The following DPYS variants were observed in gnomAD, a reference collection of about 807,000 sequenced individuals.
DPYS encodes the protein dihydropyrimidinase, also known as dihydropyrimidine amidohydrolase.
A neutral mutation model predicts 50.3 loss-of-function variants in DPYS; 39 were observed. The ratio of observed to expected loss-of-function variants is 0.78; its 90% CI spans 0.60 to 1.01. DPYS has a LOEUF of 1.01. Ranked by LOEUF, DPYS falls within the 50% of genes least tolerant of loss-of-function variation. The pLI is 0.00. For missense variants in DPYS, 659 were observed against 680.9 expected, an observed-to-expected ratio of 0.97 and a Z score of 0.36; for synonymous variants, 245 against 250.7, an observed-to-expected ratio of 0.98 and a Z score of 0.22.
intron 7 of DPYS, chr8:104,423,943 C>A (rs1235284090): frequency 1.0e-6 from 1 of 974,510 alleles, no homozygotes; most frequent in Non-Finnish European, 1.2e-6. Context: ...CTTCATCACG[C>A]TTTACCTTTC....
intron 1 of DPYS, 40 bp downstream of exon 1, chr8:104,466,617 C>T: frequency 1.3e-6 from 2 of 1,494,252 alleles, no homozygotes; most frequent in Non-Finnish European, 8.9e-7. Flanking sequence ...GCCCGAGCCT[C>T]CGTGGGTACC....
At chr8:104,454,834 A>G (rs1409310182) in intron 1 of DPYS, among the ~76,000 whole-genome samples, 2 of 152,164 alleles carry the variant, frequency 1.3e-5, no homozygotes, top group South Asian at 2.1e-4. Flanking sequence ...TTGGATTTCA[A>G]TCAGGATTAG....
intron 7 of DPYS, among the ~76,000 whole-genome samples, chr8:104,414,379 A>G (rs1437778344): frequency 6.6e-6 from 1 of 152,186 alleles, no homozygotes; most frequent in Non-Finnish European, 1.5e-5. Context: ...GCTGGAACCA[A>G]CTACAGGAGT....
intron 1 of DPYS, among the ~76,000 whole-genome samples, chr8:104,454,787 A>C (rs898807313): frequency 6.6e-6 from 1 of 152,212 alleles, no homozygotes; most frequent in Admixed American, 6.5e-5. Flanking sequence ...CTGGGAATTC[A>C]GAGGAGAGAA....
chr8:104,462,786 TA>T (rs1814217238), intron 1 of DPYS, among the ~76,000 whole-genome samples: 1 of 152,228 alleles, frequency 6.6e-6, no homozygotes, highest in Non-Finnish European at 1.5e-5. Flanking sequence ...ACCCATTGAA[TA>T]AAAAATTCCA....
At chr8:104,436,005 G>T (rs1813129992) in intron 4 of DPYS, among the ~76,000 whole-genome samples, 1 of 152,108 alleles carries the variant, frequency 6.6e-6, no homozygotes, top group Non-Finnish European at 1.5e-5. Context: ...GAAGGGGAGG[G>T]GAAGAGGAGG....
intron 4 of DPYS, among the ~76,000 whole-genome samples, chr8:104,442,416 A>AAAT (rs1247763406): frequency 6.6e-6 from 1 of 152,202 alleles, no homozygotes; most frequent in East Asian, 1.9e-4. Context: ...ACTGTTCCTT[A>AAAT]AATAATATTC....
At chr8:104,441,581 G>A (rs1813358735) in intron 4 of DPYS, among the ~76,000 whole-genome samples, 1 of 152,208 alleles carries the variant, frequency 6.6e-6, no homozygotes, top group Admixed American at 6.5e-5. Context: ...ACCCATTGTG[G>A]CTGGTGCCGA....
At chr8:104,405,215 A>G (rs1330066439) in intron 7 of DPYS, among the ~76,000 whole-genome samples, 1 of 152,178 alleles carries the variant, frequency 6.6e-6, no homozygotes, top group African/African-American at 2.4e-5. Flanking sequence ...GCCTCATTGA[A>G]TCTCTCAACA....
At chr8:104,412,627 T>C (rs904610545) in intron 7 of DPYS, among the ~76,000 whole-genome samples, 11 of 152,204 alleles carry the variant, frequency 7.2e-5, no homozygotes, top group African/African-American at 2.7e-4. Context: ...GGCCCACCCC[T>C]GCCAGGGTTG....
In DPYS at chr8:104,459,681, T is replaced by C. The variant is rs574503788; in HGVS notation, c.264+6976A>G. On this transcript the variant is annotated intron_variant, in intron 1 of 9. Coordinates refer to ENST00000351513, the MANE Select transcript of DPYS (RefSeq NM_001385.3). Reference sequence around the variant, plus strand: ...TTTGTTTTTCCTTAAGTCCCAAATCTGCTATAAAGCAAAGCCTCCCCAAAG... The same window carrying C: ...TTTGTTTTTCCTTAAGTCCCAAATCCGCTATAAAGCAAAGCCTCCCCAAAG... Among the ~76,000 whole-genome samples the C allele has an allele frequency of 1.3e-4, 20 of 152,324 alleles. 1 individual carries two copies. In the East Asian group the frequency reaches 3.9e-3, roughly 29 times the overall value.
At chr8:104,460,222 A>G (rs1564116282) in intron 1 of DPYS, among the ~76,000 whole-genome samples, 5 of 152,144 alleles carry the variant, frequency 3.3e-5, no homozygotes, top group Admixed American at 2.0e-4. Context: ...CTGTGTCCCC[A>G]CCCAAATCTC....
intron 7 of DPYS, among the ~76,000 whole-genome samples, chr8:104,408,088 G>A (rs1812054642): frequency 6.6e-6 from 1 of 152,226 alleles, no homozygotes; most frequent in South Asian, 2.1e-4. Context: ...AGGTGCTGGG[G>A]ATACAGCAGT....
At chr8:104,459,744 C>T (rs553792881) in intron 1 of DPYS, among the ~76,000 whole-genome samples, 2 of 152,296 alleles carry the variant, frequency 1.3e-5, no homozygotes, top group South Asian at 4.1e-4. Flanking sequence ...AGGAGTTTCA[C>T]AACCAGGGAA....
Position 104,447,565 on chromosome 8 carries a change from C to A in DPYS, c.424-62G>T, listed in dbSNP as rs7821992. ...CTCTAATTTAAATGATAATTTCAAC[C>A]TTCTCTAAAACGTTGCATTCGGAAG... On this transcript the variant is annotated intron_variant, in intron 2 of 9. Coordinates refer to ENST00000351513, the MANE Select transcript of DPYS (RefSeq NM_001385.3). The A allele has an allele frequency of 0.69, 1,087,325 of 1,566,510 alleles. 380,497 individuals are homozygous for A. Among genetic ancestry groups the A allele is most frequent in the Non-Finnish European group, 0.72 (817,727 of 1,138,984 alleles).
At chr8:104,428,862 G>T (rs1410086440) in intron 5 of DPYS, among the ~76,000 whole-genome samples, 2 of 149,116 alleles carry the variant, frequency 1.3e-5, no homozygotes, top group South Asian at 2.1e-4. Context: ...ACAGAGTCTT[G>T]CTCTGTCACT....
intron 4 of DPYS, among the ~76,000 whole-genome samples, chr8:104,441,097 T>C (rs992586332): frequency 6.6e-6 from 1 of 152,130 alleles, no homozygotes; most frequent in African/African-American, 2.4e-5. Context: ...GTCACATGCA[T>C]GGGGTAGGAA....
chr8:104,464,216 G>A (rs1484176694), intron 1 of DPYS, among the ~76,000 whole-genome samples: 3 of 152,192 alleles, frequency 2.0e-5, no homozygotes, highest in Non-Finnish European at 4.4e-5. Context: ...CCTTTGAGAT[G>A]TTGACAACAG....
At chr8:104,381,434 C>G in intron 8 of DPYS, 120 bp from the exon 9 acceptor site, 1 of 889,192 alleles carries the variant, frequency 1.1e-6, no homozygotes, top group East Asian at 2.7e-5. Flanking sequence ...TTATCACGTG[C>G]CTCCCCATCC....
Sources: allele counts gnomAD v4.1 joint callset (sites outside exome capture counted in the v4.1 genomes callset), GRCh38; gene constraint gnomAD v4.1.1; transcripts MANE v1.5; gene names NCBI Gene and HGNC (gene_info 2026-07-23, HGNC 2026-07-21).